The following TENM2 variants were observed in gnomAD, a reference collection of about 807,000 sequenced individuals.
TENM2 encodes the protein teneurin-2.
A neutral mutation model predicts 245.2 loss-of-function variants in TENM2; 52 were observed. That is an observed-to-expected ratio of 0.21 (90% CI 0.17 to 0.27). The LOEUF is 0.27. Ranked by LOEUF, TENM2 falls within the 10% of genes least tolerant of loss-of-function variation. The pLI is 1.00. For missense variants in TENM2, 3,046 were observed against 3,666.8 expected, an observed-to-expected ratio of 0.83 and a Z score of 4.37; for synonymous variants, 1,363 against 1,438.9, an observed-to-expected ratio of 0.95 and a Z score of 1.19.
intron 3 of TENM2, among the ~76,000 whole-genome samples, chr5:167,921,087 C>A (rs1346315953): frequency 6.6e-6 from 1 of 152,152 alleles, no homozygotes; most frequent in Non-Finnish European, 1.5e-5. Context: ...GGCCTTATAT[C>A]AAATCAACCA....
chr5:167,671,563 T>A (rs1431126192), intron 2 of TENM2, among the ~76,000 whole-genome samples: 1 of 152,056 alleles, frequency 6.6e-6, no homozygotes, highest in East Asian at 1.9e-4. Context: ...ATAAGAACCA[T>A]GAAACCAGAC....
chr5:167,817,646 A>C (rs904465915), intron 2 of TENM2, among the ~76,000 whole-genome samples: 8 of 151,504 alleles, frequency 5.3e-5, no homozygotes, highest in Non-Finnish European at 2.9e-5. Context: ...TCACTATCTG[A>C]AAAAAAAATA....
At chr5:167,103,740 A>T in the TENM2 span, among the ~76,000 whole-genome samples, 1 of 152,128 alleles carries the variant, frequency 6.6e-6, no homozygotes, top group African/African-American at 2.4e-5. Flanking sequence ...AGGTTTTTAG[A>T]AGATATTTTA....
At chr5:168,255,973 T>C (rs2152710388) in intron 27 of TENM2, among the ~76,000 whole-genome samples, 1 of 151,744 alleles carries the variant, frequency 6.6e-6, no homozygotes, top group South Asian at 2.1e-4. Flanking sequence ...GCCATGCTAA[T>C]TTTTGTATTT....
intron 20 of TENM2, among the ~76,000 whole-genome samples, chr5:168,213,662 CAAAAA>C (rs35806150): frequency 7.3e-6 from 1 of 136,392 alleles, no homozygotes; most frequent in Non-Finnish European, 1.6e-5. Context: ...CCATCTCTAC[CAAAAA>C]AAAAAAAAGG....
chr5:168,249,256 T>C (rs1473308722), intron 27 of TENM2, among the ~76,000 whole-genome samples: 1 of 152,144 alleles, frequency 6.6e-6, no homozygotes, highest in African/African-American at 2.4e-5. Context: ...TCGAGATGAC[T>C]GTAACCCAGT....
intron 1 of TENM2, among the ~76,000 whole-genome samples, chr5:167,373,026 G>A (rs1760529307): frequency 6.6e-6 from 1 of 152,206 alleles, no homozygotes; most frequent in Non-Finnish European, 1.5e-5. Flanking sequence ...TGTGCTGATG[G>A]CAGAGAGGAC....
At chr5:167,674,156 G>A (rs11134467) in intron 2 of TENM2, among the ~76,000 whole-genome samples, 54,291 of 152,026 alleles carry the variant, frequency 0.36, 13,238 homozygotes, top group East Asian at 0.89. Flanking sequence ...GGGTGTTGAC[G>A]TTGAATAGCT....
the TENM2 span, among the ~76,000 whole-genome samples, chr5:167,172,583 G>A: frequency 4.6e-5 from 7 of 150,662 alleles, no homozygotes; most frequent in Admixed American, 4.6e-4. Flanking sequence ...TGCATATTTT[G>A]AACTTTTTAC....
chr5:167,721,674 T>C (rs995362242), intron 2 of TENM2, among the ~76,000 whole-genome samples: 2 of 152,152 alleles, frequency 1.3e-5, no homozygotes, highest in Admixed American at 1.3e-4. Flanking sequence ...GAGTTCAAAC[T>C]CACTTGGATA....
At chr5:167,843,221 A>T (rs1359215057) in intron 2 of TENM2, among the ~76,000 whole-genome samples, 1 of 152,172 alleles carries the variant, frequency 6.6e-6, no homozygotes, top group Non-Finnish European at 1.5e-5. Flanking sequence ...CTAACTCGAA[A>T]TACGTTTAAG....
the TENM2 span, among the ~76,000 whole-genome samples, chr5:167,252,446 C>T: frequency 6.6e-6 from 1 of 152,144 alleles, no homozygotes; most frequent in South Asian, 2.1e-4. Flanking sequence ...TTCGCGTTGT[C>T]ATTTGGGGGA....
At chr5:167,557,857 G>A (rs2127634614) in intron 2 of TENM2, among the ~76,000 whole-genome samples, 1 of 152,106 alleles carries the variant, frequency 6.6e-6, no homozygotes, top group South Asian at 2.1e-4. Context: ...TGCTGAGGTT[G>A]AAAAAAATCT....
At chr5:167,202,551 TG>T in the TENM2 span, among the ~76,000 whole-genome samples, 1 of 152,234 alleles carries the variant, frequency 6.6e-6, no homozygotes, top group African/African-American at 2.4e-5. Context: ...CTTCATTTGC[TG>T]GTTTCCTTTG....
chr5:167,091,691 T>G, the TENM2 span, among the ~76,000 whole-genome samples: 4 of 152,176 alleles, frequency 2.6e-5, no homozygotes, highest in Non-Finnish European at 5.9e-5. Flanking sequence ...ATAAAAGACA[T>G]TATCTTTAAA....
chr5:167,831,982 C>T lies in TENM2; in HGVS notation c.503-44004C>T, dbSNP rs528681077. ...ATGATGCCAATTGAGAGAGAATGGA[C>T]GAAAAAAAAAAAAAATATTTAGCAT... is the stretch of plus-strand genomic sequence containing the variant. On this transcript the variant is annotated intron_variant, in intron 2 of 28. Coordinates refer to ENST00000518659, the Ensembl canonical transcript of TENM2. Among the ~76,000 whole-genome samples, 27 of 122,874 alleles carry T rather than the reference C, an allele frequency of 2.2e-4. No individual in the cohort carries two copies. In the South Asian group the frequency reaches 5.9e-3, roughly 27 times the overall value. The allele number at this position is 122,874 out of a possible 152,430, so 80.6% of individuals were successfully genotyped here.
intron 2 of TENM2, among the ~76,000 whole-genome samples, chr5:167,767,959 ATATTTGCCTGAAC>A (rs1445954166): frequency 6.6e-6 from 1 of 152,164 alleles, no homozygotes; most frequent in Non-Finnish European, 1.5e-5. Context: ...TGACATGTGA[ATATTTGCCTGAAC>A]TGTCATACAG....
At position 168,218,376 on chromosome 5, in the gene TENM2, G is replaced by A. The variant is rs546514197; in HGVS notation, c.4485G>A (p.Glu1495=). 6.2e-7 allele frequency: 1 copy of A among 1,614,034 alleles called. No individual in the cohort carries two copies. Among genetic ancestry groups the A allele is most frequent in the East Asian group, 2.2e-5 (1 of 44,886 alleles). Residue 1495 remains glutamate, a synonymous_variant, in exon 23 of 29, where the codon GAG becomes GAA. Coordinates refer to ENST00000518659, the Ensembl canonical transcript of TENM2. This position sits in a 1 kb window ranked among gnomAD's most constrained non-coding sequence, Gnocchi z 5.2. Reference sequence around the variant, plus strand: ...TCCTCTACATCACTGAGACAGATGAGAAGAAGATTAACCGTCTACGCCAGG... The same window carrying A: ...TCCTCTACATCACTGAGACAGATGAAAAGAAGATTAACCGTCTACGCCAGG...
At chr5:167,902,748 T>G (rs1775807276) in intron 3 of TENM2, among the ~76,000 whole-genome samples, 1 of 152,230 alleles carries the variant, frequency 6.6e-6, no homozygotes, top group African/African-American at 2.4e-5. Flanking sequence ...ATTGCAATAC[T>G]TCAGCTCTGC....
Sources: gnomAD v4.1 joint callset for allele counts (sites outside exome capture counted in the v4.1 genomes callset) on GRCh38, gnomAD v4.1.1 for gene constraint, Gnocchi (gnomAD v3.1) non-coding constraint, MANE v1.5 for transcripts, NCBI Gene and HGNC (gene_info 2026-07-23, HGNC 2026-07-21) for gene names.